The following TRIM5 variants were observed in gnomAD, a reference collection of about 807,000 sequenced individuals.
TRIM5 encodes the protein tripartite motif-containing protein 5.
TRIM5 carries 31 observed loss-of-function variants against 35.6 expected under a neutral mutation model. That is an observed-to-expected ratio of 0.87 (90% CI 0.65 to 1.18). The LOEUF is 1.18. TRIM5 is among the 50% of genes most tolerant of loss of function. The pLI is 0.00. For missense variants in TRIM5, 609 were observed against 591.6 expected, an observed-to-expected ratio of 1.03 and a Z score of -0.31; for synonymous variants, 243 against 215.6, an observed-to-expected ratio of 1.13 and a Z score of -1.11.
the TRIM5 span, chr11:5,604,748 C>T: frequency 2.2e-5 from 23 of 1,065,748 alleles, no homozygotes; most frequent in South Asian, 3.8e-5. Context: ...AAGAGCTTCC[C>T]TTTGCCTGGT....
the TRIM5 span, among the ~76,000 whole-genome samples, chr11:5,622,805 A>G: frequency 1.3e-5 from 2 of 152,210 alleles, 1 homozygote; most frequent in South Asian, 4.1e-4. Context: ...GAAAACTCTC[A>G]ATCAATTTAG....
At chr11:5,614,563 A>G in the TRIM5 span, among the ~76,000 whole-genome samples, 3 of 152,212 alleles carry the variant, frequency 2.0e-5, no homozygotes, top group East Asian at 5.8e-4. Context: ...CTGGAACCCT[A>G]AGTAATCCTT....
chr11:5,607,898 G>A, the TRIM5 span, among the ~76,000 whole-genome samples: 3 of 152,178 alleles, frequency 2.0e-5, no homozygotes, highest in Non-Finnish European at 4.4e-5. Context: ...ATCAACATGT[G>A]TACATTAAAA....
chr11:5,628,194 G>C, the TRIM5 span, among the ~76,000 whole-genome samples: 1 of 152,176 alleles, frequency 6.6e-6, no homozygotes, highest in Admixed American at 6.5e-5. Context: ...CATCCTCACT[G>C]TGAACATGAA....
At chr11:5,638,929 T>C in the TRIM5 span, among the ~76,000 whole-genome samples, 5 of 152,200 alleles carry the variant, frequency 3.3e-5, no homozygotes, top group Admixed American at 2.6e-4. Context: ...CTGGTGCTTA[T>C]ATACATTTTA....
the TRIM5 span, chr11:5,605,223 T>A: frequency 7.2e-7 from 1 of 1,398,168 alleles, no homozygotes. Flanking sequence ...ACCCTCCCTC[T>A]CCCTGGGAGG....
the TRIM5 span, among the ~76,000 whole-genome samples, chr11:5,656,573 C>T: frequency 1.3e-4 from 20 of 152,168 alleles, no homozygotes; most frequent in Non-Finnish European, 2.8e-4. Context: ...AGGCTGGTCT[C>T]GAACTCCCAA....
chr11:5,634,831 G>A, the TRIM5 span: 1 of 1,613,196 alleles, frequency 6.2e-7, no homozygotes, highest in South Asian at 1.1e-5. Flanking sequence ...TGGAGTGTCG[G>A]AGTCAGTGGT....
chr11:5,675,204 A>ATTT (rs534987388), intron 4 of TRIM5, among the ~76,000 whole-genome samples: 1 of 150,796 alleles, frequency 6.6e-6, no homozygotes, highest in Non-Finnish European at 1.5e-5. Context: ...AATTTTTTGT[A>ATTT]TTATTTTTTT....
At position 5,664,569 on chromosome 11, in the gene TRIM5, T is replaced by G. The variant is rs138903376; in HGVS notation, c.*240A>C. ...GCGGTCTCATTTTATGAGGTATAGG[T>G]CAGTTTTCCTTAGGAGTACGGAAAA... On this transcript the variant is annotated 3_prime_UTR_variant, in exon 8 of 8. Coordinates refer to ENST00000380034, the MANE Select transcript of TRIM5 (RefSeq NM_033034.3). 852 of 1,246,658 alleles carry G rather than the reference T, an allele frequency of 6.8e-4. 4 individuals carry two copies. In the African/African-American group the frequency reaches 9.3e-3, roughly 14 times the overall value. The allele number at this position is 1,246,658 out of a possible 1,614,324, so 77.2% of individuals were successfully genotyped here. A position where few individuals can be genotyped will look rare whatever the true frequency, so the allele number is the denominator to read the frequency against.
At chr11:5,671,907 T>C (rs1590245412) in intron 4 of TRIM5, among the ~76,000 whole-genome samples, 1 of 152,082 alleles carries the variant, frequency 6.6e-6, no homozygotes, top group African/African-American at 2.4e-5. Context: ...ATAACTAATA[T>C]GAGACCCACA....
chr11:5,669,359 C>T (rs930914745), intron 4 of TRIM5, among the ~76,000 whole-genome samples: 5 of 152,264 alleles, frequency 3.3e-5, no homozygotes, highest in Non-Finnish European at 7.4e-5. Context: ...GGATTACAGG[C>T]GTGAGCCACC....
At chr11:5,675,103 A>G (rs1320633196) in intron 4 of TRIM5, among the ~76,000 whole-genome samples, 2 of 151,776 alleles carry the variant, frequency 1.3e-5, no homozygotes, top group African/African-American at 4.8e-5. Flanking sequence ...GTCTTGGCTC[A>G]CTGCAAGCTC....
the TRIM5 span, chr11:5,596,772 T>C: frequency 6.8e-7 from 1 of 1,464,158 alleles, no homozygotes; most frequent in South Asian, 1.1e-5. Context: ...TGGTTGAGTT[T>C]AGATAAAAGC....
chr11:5,649,524 C>T, the TRIM5 span, among the ~76,000 whole-genome samples: 3 of 152,142 alleles, frequency 2.0e-5, no homozygotes, highest in African/African-American at 7.2e-5. Flanking sequence ...CCTTGATAGT[C>T]AGGATTAATC....
the TRIM5 span, chr11:5,610,886 A>G: frequency 1.2e-6 from 2 of 1,614,198 alleles, no homozygotes; most frequent in Non-Finnish European, 1.7e-6. Context: ...CCTGTCTGGA[A>G]AAGCATTATG....
chr11:5,604,088 C>T, the TRIM5 span, among the ~76,000 whole-genome samples: 6 of 152,056 alleles, frequency 3.9e-5, no homozygotes, highest in South Asian at 8.3e-4. Flanking sequence ...CTCCGCCTCC[C>T]GGGTTCAAGC....
At chr11:5,668,617 T>C (rs1564910116) in intron 4 of TRIM5, among the ~76,000 whole-genome samples, 1 of 151,800 alleles carries the variant, frequency 6.6e-6, no homozygotes, top group Non-Finnish European at 1.5e-5. Context: ...GCCCGGCTAT[T>C]TTTTGTATTT....
At chr11:5,642,307 C>G in the TRIM5 span, 1 of 1,087,734 alleles carries the variant, frequency 9.2e-7, no homozygotes, top group Non-Finnish European at 1.4e-6. Flanking sequence ...GAGAAGGGTT[C>G]AAGTGCATCA....
Sources: allele counts gnomAD v4.1 joint callset (sites outside exome capture counted in the v4.1 genomes callset), GRCh38; gene constraint gnomAD v4.1.1; transcripts MANE v1.5; gene names NCBI Gene and HGNC (gene_info 2026-07-23, HGNC 2026-07-21).